ACSL4: variants seen among roughly 807,000 people sequenced by gnomAD.
The protein encoded by ACSL4 is acyl-CoA synthetase long chain family member 4.
Under a neutral mutation model 49.1 loss-of-function variants are expected in ACSL4, and 9 were observed. The ratio of observed to expected loss-of-function variants is 0.18; its 90% CI spans 0.11 to 0.32. The LOEUF (loss-of-function observed/expected upper bound fraction) is 0.32, where lower values mean the gene tolerates loss of function less well. Among genes scored for constraint, ACSL4 ranks in the 10% least tolerant of loss-of-function variants. The probability of loss-of-function intolerance (pLI) is 1.00; values close to 1 mark genes in which losing one functional copy is unlikely to be tolerated. For missense variants in ACSL4, 333 were observed against 493.7 expected, an observed-to-expected ratio of 0.67 and a Z score of 3.08; for synonymous variants, 191 against 170.3, an observed-to-expected ratio of 1.12 and a Z score of -0.95.
rs1934448559 is a variant in ACSL4, at chrX:109,641,677, T to G, written c.*2352A>C. ...CTTAACTGTGACTTTTTGAATCATT[T>G]ATCTGTATTTCTGAAATATCACACA... is the stretch of plus-strand genomic sequence containing the variant. On this transcript the variant is annotated 3_prime_UTR_variant, in exon 16 of 16. Transcript: ENST00000672401. 1 of 112,246 alleles carries G rather than the reference T, an allele frequency of 8.9e-6. No homozygotes were observed. The highest frequency in any genetic ancestry group is 1.9e-5 in the Non-Finnish European group (1 of 53,172). 9.3% of individuals were successfully genotyped at this position (112,246 alleles called of 1,213,427 possible).
intron 2 of ACSL4, chrX:109,683,635 A>T: frequency 2.2e-6 from 1 of 464,214 alleles, no homozygotes; most frequent in Admixed American, 3.9e-5. Context: ...GATAAAAGTT[A>T]GTAATCTTTG....
At chrX:109,670,507 C>T (rs1321436908) in intron 9 of ACSL4, among the ~76,000 whole-genome samples, 2 of 107,447 alleles carry the variant, frequency 1.9e-5, no homozygotes, top group African/African-American at 6.8e-5. Flanking sequence ...ATCGCTTGAA[C>T]CCGGGAGGTG....
At chrX:109,713,082 A>AGAAGGGAAGGG (rs1366947000) in intron 1 of ACSL4, among the ~76,000 whole-genome samples, 1 of 109,360 alleles carries the variant, frequency 9.1e-6, no homozygotes, top group Non-Finnish European at 1.9e-5. Context: ...GAAGAAGGGA[A>AGAAGGGAAGGG]GAAGGGAAGG....
intron 1 of ACSL4, among the ~76,000 whole-genome samples, chrX:109,699,600 C>A (rs769632772): frequency 4.5e-5 from 5 of 111,474 alleles, no homozygotes; most frequent in Non-Finnish European, 9.4e-5. Flanking sequence ...TGACTGCATT[C>A]TAAATATGTA....
chrX:109,686,217 T>C (rs1008084219), intron 2 of ACSL4, among the ~76,000 whole-genome samples: 2 of 111,970 alleles, frequency 1.8e-5, no homozygotes, highest in Admixed American at 1.9e-4. Flanking sequence ...ATCTGATACA[T>C]GATTATACTA....
intron 6 of ACSL4, among the ~76,000 whole-genome samples, 196 bp from the exon 7 acceptor site, chrX:109,678,611 C>G (rs1923923161): frequency 8.9e-6 from 1 of 112,192 alleles, no homozygotes; most frequent in South Asian, 3.7e-4. Flanking sequence ...GGGAGGATCA[C>G]TTGAGCCCTG....
At chrX:109,704,334 T>G (rs1486495750) in intron 1 of ACSL4, among the ~76,000 whole-genome samples, 2 of 112,389 alleles carry the variant, frequency 1.8e-5, no homozygotes, top group Non-Finnish European at 3.8e-5. Flanking sequence ...TTATTTATCT[T>G]AGACCCATTC....
intron 9 of ACSL4, among the ~76,000 whole-genome samples, chrX:109,673,881 T>G (rs1923467736): frequency 9.4e-6 from 1 of 106,704 alleles, no homozygotes; most frequent in South Asian, 3.8e-4. Context: ...TGTAACATCT[T>G]TTTTTTTTAA....
At chrX:109,708,056 C>T (rs1276491103) in intron 1 of ACSL4, among the ~76,000 whole-genome samples, 1 of 111,327 alleles carries the variant, frequency 9.0e-6, no homozygotes, top group Non-Finnish European at 1.9e-5. Context: ...GCCATCCTTC[C>T]ACCTCAGCCT....
chrX:109,730,665 C>G (rs1221656434), intron 1 of ACSL4, among the ~76,000 whole-genome samples: 1 of 111,919 alleles, frequency 8.9e-6, no homozygotes, highest in Non-Finnish European at 1.9e-5. Flanking sequence ...AATGAGATGC[C>G]CACATATTAT....
chrX:109,728,974 G>A (rs1928212929), intron 1 of ACSL4, among the ~76,000 whole-genome samples: 1 of 110,386 alleles, frequency 9.1e-6, no homozygotes, highest in Non-Finnish European at 1.9e-5. Context: ...ACTTTGGGAG[G>A]CCGAGGCGGG....
chrX:109,716,039 C>T (rs1174162867), intron 1 of ACSL4, among the ~76,000 whole-genome samples: 1 of 112,264 alleles, frequency 8.9e-6, no homozygotes, highest in African/African-American at 3.2e-5. Flanking sequence ...ACAACCCTTT[C>T]CCTTCAAAAT....
At chrX:109,650,794 T>C (rs1181323252) in intron 15 of ACSL4, among the ~76,000 whole-genome samples, 1 of 112,254 alleles carries the variant, frequency 8.9e-6, no homozygotes, top group African/African-American at 3.2e-5. Context: ...TGTTTCACCA[T>C]GGAGCTAAAA....
intron 1 of ACSL4, among the ~76,000 whole-genome samples, chrX:109,715,738 A>G (rs928027485): frequency 1.8e-5 from 2 of 111,832 alleles, no homozygotes; most frequent in Non-Finnish European, 3.8e-5. Flanking sequence ...TCTAAACAAA[A>G]GTATCCACTT....
chrX:109,651,055 G>T (rs1013191464), intron 15 of ACSL4, among the ~76,000 whole-genome samples: 12 of 111,379 alleles, frequency 1.1e-4, no homozygotes, highest in African/African-American at 3.9e-4. Context: ...AATACATATT[G>T]GCAAAATATA....
chrX:109,670,878 C>T (rs547371113), intron 9 of ACSL4, among the ~76,000 whole-genome samples: 32 of 112,724 alleles, frequency 2.8e-4, no homozygotes, highest in African/African-American at 9.6e-4. Context: ...CTGCCAGCCT[C>T]GGCCTCCCGA....
chrX:109,680,550 A>C (rs1924082701), intron 6 of ACSL4, among the ~76,000 whole-genome samples: 1 of 112,553 alleles, frequency 8.9e-6, no homozygotes, highest in Non-Finnish European at 1.9e-5. Context: ...ACCAACTACC[A>C]CCTCAGTGGT....
At chrX:109,720,757 T>C (rs937013201) in intron 1 of ACSL4, among the ~76,000 whole-genome samples, 28 of 111,931 alleles carry the variant, frequency 2.5e-4, no homozygotes, top group African/African-American at 8.1e-4. Context: ...CTATAAGGAA[T>C]TGTCTAGGTA....
chrX:109,649,298 A>C (rs1934901996), intron 15 of ACSL4, among the ~76,000 whole-genome samples: 1 of 112,004 alleles, frequency 8.9e-6, no homozygotes, highest in Non-Finnish European at 1.9e-5. Flanking sequence ...ACAGTAGCCA[A>C]AACAGCATGG....
Sources: allele counts gnomAD v4.1 joint callset (sites outside exome capture counted in the v4.1 genomes callset), GRCh38; gene constraint gnomAD v4.1.1; transcripts MANE v1.5; gene names NCBI Gene and HGNC (gene_info 2026-07-23, HGNC 2026-07-21).